Variants in CRACDL observed in about 807,000 individuals in gnomAD.
CRACDL encodes CRACD-like protein.
In CRACDL, 26 loss-of-function variants were observed where a neutral mutation model predicts 70.6. The observed-to-expected ratio is 0.37, with a 90% CI of 0.27 to 0.51. CRACDL has a LOEUF of 0.51. Among genes scored for constraint, CRACDL ranks in the 20% least tolerant of loss-of-function variants. CRACDL has a pLI of 0.94. For missense variants in CRACDL, 1,283 were observed against 1,376.9 expected, an observed-to-expected ratio of 0.93 and a Z score of 1.08; for synonymous variants, 618 against 615.2, an observed-to-expected ratio of 1.00 and a Z score of -0.07.
intron 1 of CRACDL, among the ~76,000 whole-genome samples, chr2:98,848,174 T>A (rs1195651731): frequency 6.6e-6 from 1 of 152,210 alleles, no homozygotes; most frequent in African/African-American, 2.4e-5. Flanking sequence ...TCAAAGGACA[T>A]CCTTGCTTTC....
intron 7 of CRACDL, among the ~76,000 whole-genome samples, chr2:98,807,277 T>C (rs1390020352): frequency 6.6e-6 from 1 of 152,194 alleles, no homozygotes; most frequent in Non-Finnish European, 1.5e-5. Flanking sequence ...CTCATGACTG[T>C]CCTATAAAAC....
intron 1 of CRACDL, among the ~76,000 whole-genome samples, chr2:98,902,099 T>A (rs1183699245): frequency 2.0e-5 from 3 of 152,164 alleles, no homozygotes; most frequent in African/African-American, 7.2e-5. Flanking sequence ...CCAGGGCTAG[T>A]GACTCTGACA....
Position 98,797,367 on chromosome 2 carries a change from C to A in CRACDL, c.2587G>T (p.Val863Leu). The change falls in exon 8 of 10, where the codon GTG (valine) becomes TTG (leucine). Residue 863 changes from valine (V) to leucine (L), a missense_variant. Val to Leu is a conservative substitution (Grantham distance 32). Around this residue, in one of 2 missense-constraint regions of CRACDL, gnomAD observed 921 missense variants for 881.9 expected, o/e 1.04. Transcript: ENST00000397899. ...LKSEPGKQAKVPERGQEPVKQ... is the reference protein window; with the variant it reads ...LKSEPGKQAKLPERGQEPVKQ... The stretch of plus-strand genomic sequence containing the variant: ...CTAAGCACCTGGCCTCTCTCGGGCA[C>A]CTTGGCTTGCTTTCCTGGTTCAGAC... 6.2e-7 allele frequency: 1 copy of A among 1,614,184 alleles called. No individual in the cohort carries two copies.
At chr2:98,869,701 A>G (rs1297394028) in intron 1 of CRACDL, among the ~76,000 whole-genome samples, 1 of 152,190 alleles carries the variant, frequency 6.6e-6, no homozygotes, top group Non-Finnish European at 1.5e-5. Flanking sequence ...CCTCGCCTTG[A>G]TGTCCACTTG....
At chr2:98,843,457 C>A (rs1706123192) in intron 2 of CRACDL, among the ~76,000 whole-genome samples, 1 of 152,060 alleles carries the variant, frequency 6.6e-6, no homozygotes, top group African/African-American at 2.4e-5. Flanking sequence ...ATCTAAGAAC[C>A]CTTGCCTAAT....
intron 1 of CRACDL, among the ~76,000 whole-genome samples, chr2:98,924,866 G>A (rs1558642309): frequency 6.6e-6 from 1 of 152,228 alleles, no homozygotes; most frequent in Non-Finnish European, 1.5e-5. Context: ...CAACTTTCTT[G>A]GACATCAGTT....
At chr2:98,911,573 T>C (rs1708549383) in intron 1 of CRACDL, among the ~76,000 whole-genome samples, 1 of 151,990 alleles carries the variant, frequency 6.6e-6, no homozygotes, top group South Asian at 2.1e-4. Context: ...CAGTCAGGGG[T>C]GCCAGTGCCA....
intron 1 of CRACDL, among the ~76,000 whole-genome samples, chr2:98,853,540 G>T (rs1242649521): frequency 6.6e-6 from 1 of 152,138 alleles, no homozygotes; most frequent in Non-Finnish European, 1.5e-5. Flanking sequence ...AGTTTTTTAG[G>T]ATGAAAGAAA....
intron 1 of CRACDL, among the ~76,000 whole-genome samples, chr2:98,877,757 T>TA (rs1057406806): frequency 1.8e-4 from 27 of 151,796 alleles, no homozygotes; most frequent in African/African-American, 5.8e-4. Context: ...TCAAAAATAA[T>TA]AAAAAAATTT....
chr2:98,917,638 A>G (rs1708699770), intron 1 of CRACDL, among the ~76,000 whole-genome samples: 1 of 152,230 alleles, frequency 6.6e-6, no homozygotes, highest in Admixed American at 6.5e-5. Flanking sequence ...TTTTACGAGC[A>G]AATTCCTTTT....
intron 1 of CRACDL, among the ~76,000 whole-genome samples, chr2:98,853,121 T>C (rs936693896): frequency 1.3e-5 from 2 of 152,110 alleles, no homozygotes. Flanking sequence ...GAAAAGATAA[T>C]GTTACAGATC....
chr2:98,892,527 TA>T (rs1708005377), intron 1 of CRACDL, among the ~76,000 whole-genome samples: 2 of 151,760 alleles, frequency 1.3e-5, no homozygotes, highest in Admixed American at 6.6e-5. Flanking sequence ...CCATCTCTAC[TA>T]AAAATACAAA....
Position 98,870,851 on chromosome 2 carries a change from T to G in CRACDL, c.-10-24041A>C, listed in dbSNP as rs552124739. On this transcript the variant is annotated intron_variant, in intron 1 of 9. Coordinates refer to ENST00000397899, the MANE Select transcript of CRACDL (RefSeq NM_207362.3). ...GAGCCTCTTCAGCACTCTGTCCCCG[T>G]GGAAGCCCAGCATACAGGTCATGCC... Among the ~76,000 whole-genome samples the G allele has an allele frequency of 9.8e-4, 149 of 152,320 alleles. 1 individual carries two copies. The highest frequency in any genetic ancestry group is 2.9e-4 in the Non-Finnish European group (20 of 68,018).
intron 7 of CRACDL, among the ~76,000 whole-genome samples, chr2:98,815,584 G>GCTGTGCT: frequency 6.6e-6 from 1 of 152,148 alleles, no homozygotes; most frequent in East Asian, 1.9e-4. Context: ...TGCTAATACG[G>GCTGTGCT]GGGTATAGCT....
chr2:98,932,175 G>A (rs1307799861), intron 1 of CRACDL, among the ~76,000 whole-genome samples: 1 of 152,202 alleles, frequency 6.6e-6, no homozygotes, highest in Non-Finnish European at 1.5e-5. Flanking sequence ...GGTGTTTGCA[G>A]GTATCTAGAC....
chr2:98,838,095 C>T (rs377549237), intron 3 of CRACDL, 24 bp downstream of exon 3: 38 of 1,582,726 alleles, frequency 2.4e-5, no homozygotes, highest in African/African-American at 8.2e-5. Context: ...GCTCCTGGCC[C>T]GAGGGATGTA....
chr2:98,890,221 T>A (rs1475315285), intron 1 of CRACDL, among the ~76,000 whole-genome samples: 2 of 152,100 alleles, frequency 1.3e-5, no homozygotes, highest in Non-Finnish European at 2.9e-5. Flanking sequence ...AAAAGTTAGT[T>A]CTTTGAAAAG....
chr2:98,795,077 A>ATATATATTTTTT, intron 9 of CRACDL, among the ~76,000 whole-genome samples: 4 of 58,508 alleles, frequency 6.8e-5, no homozygotes, highest in African/African-American at 1.3e-4. Context: ...ATATATATAT[A>ATATATATTTTTT]TTTTTTTTTT....
chr2:98,877,451 T>C (rs1204543996), intron 1 of CRACDL, among the ~76,000 whole-genome samples: 1 of 152,160 alleles, frequency 6.6e-6, no homozygotes, highest in Non-Finnish European at 1.5e-5. Flanking sequence ...ATAGTGCAAT[T>C]AGTTTTAAAA....
Sources: allele counts gnomAD v4.1 joint callset (sites outside exome capture counted in the v4.1 genomes callset), GRCh38; gene constraint gnomAD v4.1.1; regional missense constraint gnomAD v4.1.1; transcripts MANE v1.5; gene names NCBI Gene and HGNC (gene_info 2026-07-23, HGNC 2026-07-21).